DNAI3: variants seen among roughly 807,000 people sequenced by gnomAD.
DNAI3 encodes the protein dynein axonemal intermediate chain 3.
Under a neutral mutation model 115.5 loss-of-function variants are expected in DNAI3, and 83 were observed. The ratio of observed to expected loss-of-function variants is 0.72; its 90% CI spans 0.60 to 0.86. DNAI3 has a LOEUF of 0.86. DNAI3 is among the 40% of genes least tolerant of loss of function. The pLI is 0.00. For synonymous variants in DNAI3, 320 were observed against 347.0 expected (o/e 0.92, Z 0.86); for missense variants, 1,004 against 1,075.8 (o/e 0.93, Z 0.93).
chr1:85,103,805 T>TG (rs1446449485), intron 13 of DNAI3, among the ~76,000 whole-genome samples: 1 of 151,462 alleles, frequency 6.6e-6, no homozygotes, highest in African/African-American at 2.4e-5. Context: ...GAGAATCACT[T>TG]GAACCTGGGA....
chr1:85,112,203 C>T (rs1177310501), intron 16 of DNAI3, among the ~76,000 whole-genome samples: 1 of 152,080 alleles, frequency 6.6e-6, no homozygotes, highest in Non-Finnish European at 1.5e-5. Context: ...AAGCATGCGC[C>T]ACCACATGCA....
chr1:85,113,745 C>A (rs75187845), intron 16 of DNAI3, among the ~76,000 whole-genome samples: 7,903 of 152,044 alleles, frequency 0.052, 275 homozygotes, highest in East Asian at 0.15. Context: ...GTGATTTTGA[C>A]TGAGATTGTA....
chr1:85,118,383 A>G (rs1228780909), intron 17 of DNAI3, among the ~76,000 whole-genome samples: 1 of 152,214 alleles, frequency 6.6e-6, no homozygotes, highest in Non-Finnish European at 1.5e-5. Context: ...TCCAAATTAT[A>G]TCCCATTTAA....
chr1:85,095,965 T>A lies in DNAI3; in HGVS notation c.1208T>A (p.Phe403Tyr). ...GAGAGCCCAGATGACATCTTCTGCT[T>A]CAAGTTCTGTCCGAGTGATCCTAAT... ...MLESPDDIFCFKFCPSDPNII... is the reference protein window; with the variant it reads ...MLESPDDIFCYKFCPSDPNII... The change falls in exon 11 of 23, where the codon TTC (phenylalanine) becomes TAC (tyrosine). Residue 403 changes from phenylalanine to tyrosine, a missense_variant. Physicochemically the swap from Phe to Tyr is conservative, Grantham distance 22 (BLOSUM62 3). This residue lies in a region of DNAI3 where 550 missense variants were observed against 568.1 expected (regional missense o/e 0.97). Coordinates refer to ENST00000294664, the MANE Select transcript of DNAI3 (RefSeq NM_145172.5). The A allele has an allele frequency of 1.2e-6, 2 of 1,613,870 alleles. No individual in the cohort carries two copies. Among genetic ancestry groups the A allele is most frequent in the Non-Finnish European group, 1.7e-6 (2 of 1,179,770 alleles).
chr1:85,067,334 G>A (rs1463181933), intron 1 of DNAI3, among the ~76,000 whole-genome samples: 1 of 152,190 alleles, frequency 6.6e-6, no homozygotes, highest in African/African-American at 2.4e-5. Context: ...AGTAGTAAAT[G>A]AGCTGTTCAG....
At chr1:85,110,490 C>A (rs1277197917) in intron 16 of DNAI3, among the ~76,000 whole-genome samples, 1 of 34,712 alleles carries the variant, frequency 2.9e-5, no homozygotes, top group Non-Finnish European at 6.7e-5. Context: ...AATACATTTA[C>A]TAATTTGAGT....
chr1:85,108,936 T>C (rs568858858), intron 15 of DNAI3, among the ~76,000 whole-genome samples: 1 of 152,358 alleles, frequency 6.6e-6, no homozygotes, highest in East Asian at 1.9e-4. Context: ...AATTGGTTGG[T>C]GCTCAAGTTA....
chr1:85,072,974 A>AAT, intron 2 of DNAI3, 80 bp from the exon 3 acceptor site: 2 of 879,290 alleles, frequency 2.3e-6, no homozygotes, highest in Non-Finnish European at 3.3e-6. Flanking sequence ...AAAAAAAAAA[A>AAT]GAAGAAATAA....
At chr1:85,105,850 T>A (rs1448953396) in intron 14 of DNAI3, among the ~76,000 whole-genome samples, 3 of 152,150 alleles carry the variant, frequency 2.0e-5, no homozygotes, top group Non-Finnish European at 4.4e-5. Context: ...TCCTACTGTA[T>A]CATGAACCCA....
In DNAI3 at chr1:85,108,073, A is replaced by AC. The variant is rs781774059; in HGVS notation, c.1600dup (p.Gln534ProfsTer12). 6.8e-6 allele frequency: 11 copies of AC among 1,608,176 alleles called. No homozygotes were observed. Among genetic ancestry groups the AC allele is most frequent in the African/African-American group, 4.0e-5 (3 of 74,702 alleles). On this transcript the variant is annotated frameshift_variant, in exon 15 of 23. Transcript: ENST00000294664. LOFTEE classifies it high-confidence loss of function. ...GGATATTAGACCACAGAAACCTTTA[A>AC]CCCCCCAAACAACAGAGAAAAAGAA...
chr1:85,102,035 A>AAAAC (rs1375874451), intron 13 of DNAI3, among the ~76,000 whole-genome samples: 1 of 152,066 alleles, frequency 6.6e-6, no homozygotes, highest in Non-Finnish European at 1.5e-5. Context: ...TATCTATGTA[A>AAAAC]AAACAAACAA....
chr1:85,099,512 G>C (rs1212793032), intron 13 of DNAI3: 1 of 153,536 alleles, frequency 6.5e-6, no homozygotes, highest in East Asian at 1.9e-4. Flanking sequence ...CCATGCTCAT[G>C]GATAGGAAGA....
intron 12 of DNAI3, among the ~76,000 whole-genome samples, chr1:85,098,054 G>A (rs1655176889): frequency 6.6e-6 from 1 of 152,172 alleles, no homozygotes; most frequent in Admixed American, 6.5e-5. Flanking sequence ...CTTTTCTCAT[G>A]TATAAAATGA....
At chr1:85,073,326 A>C (rs561787123) in intron 3 of DNAI3, among the ~76,000 whole-genome samples, 20 of 152,350 alleles carry the variant, frequency 1.3e-4, no homozygotes, top group African/African-American at 4.8e-4. Flanking sequence ...AATGCATTAT[A>C]TGATTATTGA....
intron 2 of DNAI3, 22 bp downstream of exon 2, chr1:85,072,027 A>G (rs747759839): frequency 1.3e-6 from 2 of 1,599,878 alleles, no homozygotes; most frequent in Non-Finnish European, 1.7e-6. Flanking sequence ...TCTTCATTGA[A>G]TGGGATTTTT....
chr1:85,111,978 C>T (rs917109278), intron 16 of DNAI3, among the ~76,000 whole-genome samples: 4 of 152,176 alleles, frequency 2.6e-5, no homozygotes, highest in African/African-American at 9.7e-5. Context: ...CACTCCCAGG[C>T]CACAACGGAT....
rs201987957 is a variant in DNAI3, at chr1:85,124,281, T to C, written c.2112+30T>C. 2.7e-4 allele frequency: 431 copies of C among 1,613,842 alleles called. 1 individual carries two copies. The highest frequency in any genetic ancestry group is 3.5e-4 in the Non-Finnish European group (417 of 1,179,892). ...GTTGCCTGCAAAATGGAAGCATGAGTGTGTGATCTTTTGTTATTCAGAAAG... is the reference window on the plus strand; with the variant it reads ...GTTGCCTGCAAAATGGAAGCATGAGCGTGTGATCTTTTGTTATTCAGAAAG... On this transcript the variant is annotated intron_variant, in intron 19 of 22. Transcript: ENST00000294664.
rs999654624 is a variant in DNAI3, at chr1:85,109,983, A to G, written c.1699-65A>G. 3 of 1,496,410 alleles carry G rather than the reference A, an allele frequency of 2.0e-6. No homozygotes were observed. In the African/African-American group the frequency reaches 4.2e-5, roughly 21 times the overall value. 92.7% of individuals were successfully genotyped at this position (1,496,410 alleles called of 1,614,324 possible). A position where few individuals can be genotyped will look rare whatever the true frequency, so the allele number is the denominator to read the frequency against. On this transcript the variant is annotated intron_variant, in intron 15 of 22. Coordinates refer to ENST00000294664, the MANE Select transcript of DNAI3 (RefSeq NM_145172.5). ...ATGGGAGCAGAAGGGAAAGGCAAGA[A>G]TAAATTACCCAAGGATAATTTCAGG...
At chr1:85,093,995 C>T in intron 9 of DNAI3, 1 of 464,124 alleles carries the variant, frequency 2.2e-6, no homozygotes, top group Non-Finnish European at 4.2e-6. Context: ...CACTGCCTTT[C>T]TGATTACTAG....
Sources: allele counts gnomAD v4.1 joint callset (sites outside exome capture counted in the v4.1 genomes callset), GRCh38; gene constraint gnomAD v4.1.1; regional missense constraint gnomAD v4.1.1; transcripts MANE v1.5; gene names NCBI Gene and HGNC (gene_info 2026-07-23, HGNC 2026-07-21).